RDH12: variants seen among roughly 807,000 people sequenced by gnomAD.
RDH12 encodes retinol dehydrogenase 12.
Under a neutral mutation model 34.0 loss-of-function variants are expected in RDH12, and 21 were observed. That is an observed-to-expected ratio of 0.62 (90% CI 0.44 to 0.89). The LOEUF (loss-of-function observed/expected upper bound fraction) is 0.89. Ranked by LOEUF, RDH12 falls within the 40% of genes least tolerant of loss-of-function variation. RDH12 has a pLI of 0.00. For missense variants in RDH12, 394 were observed against 398.6 expected (o/e 0.99, Z 0.10); for synonymous variants, 198 against 169.9 (o/e 1.17, Z -1.29).
chr14:67,705,627 G>A (rs1006919581), intron 1 of RDH12, among the ~76,000 whole-genome samples: 2 of 152,204 alleles, frequency 1.3e-5, no homozygotes, highest in Admixed American at 1.3e-4. Context: ...AGTTTAGTTA[G>A]TGGTGTTGTA....
intron 1 of RDH12, among the ~76,000 whole-genome samples, chr14:67,713,534 G>A (rs1056232725): frequency 2.0e-5 from 3 of 152,062 alleles, no homozygotes; most frequent in East Asian, 1.9e-4. Flanking sequence ...GTTGGTTTGA[G>A]CCATAAAGTT....
intron 1 of RDH12, among the ~76,000 whole-genome samples, chr14:67,716,470 G>A (rs2038070759): frequency 6.6e-6 from 1 of 152,208 alleles, no homozygotes; most frequent in Admixed American, 6.5e-5. Flanking sequence ...ATTTTGAAAT[G>A]TTACGCTTCT....
At chr14:67,717,155 G>A (rs1411210716) in intron 1 of RDH12, among the ~76,000 whole-genome samples, 2 of 152,000 alleles carry the variant, frequency 1.3e-5, no homozygotes, top group African/African-American at 4.8e-5. Flanking sequence ...TCCTTTGGAT[G>A]TAAAATTTGT....
At chr14:67,729,128 A>G in intron 7 of RDH12, 63 bp from the exon 8 acceptor site, 1 of 1,524,482 alleles carries the variant, frequency 6.6e-7, no homozygotes, top group East Asian at 2.2e-5. Flanking sequence ...TTGCTGCAGG[A>G]GATAAGCTGT....
At chr14:67,715,768 C>G in intron 1 of RDH12, among the ~76,000 whole-genome samples, 1 of 152,086 alleles carries the variant, frequency 6.6e-6, no homozygotes, top group Non-Finnish European at 1.5e-5. Context: ...ATCTCATAAC[C>G]AGGGAGAGAT....
At position 67,733,840 on chromosome 14, in the gene RDH12, TG is replaced by T; in HGVS notation, c.946del (p.Glu316SerfsTer59). 1.9e-6 allele frequency: 3 copies of T among 1,610,912 alleles called. No homozygotes were observed. Among genetic ancestry groups the T allele is most frequent in the Non-Finnish European group, 2.5e-6 (3 of 1,177,710 alleles). ...NVSCELLGIR[W>X]E ...CAGCTGTGAGCTTCTAGGAATCCGG[TG>T]GGAGTAGCTGGTGGAAGAGCTGCAG... On this transcript the variant is annotated frameshift_variant, in exon 9 of 9. Transcript: ENST00000551171. LOFTEE classifies it high-confidence loss of function.
At chr14:67,729,148 C>G in intron 7 of RDH12, 43 bp from the exon 8 acceptor site, 1 of 1,593,806 alleles carries the variant, frequency 6.3e-7, no homozygotes, top group Non-Finnish European at 8.6e-7. Context: ...TTTTCCTGGG[C>G]TCAGAGTGTG....
At chr14:67,732,494 AAGAG>A (rs1335135323) in intron 8 of RDH12, among the ~76,000 whole-genome samples, 2 of 150,566 alleles carry the variant, frequency 1.3e-5, no homozygotes, top group African/African-American at 2.4e-5. Context: ...GTAAGAGAGA[AAGAG>A]AGAGAGAGAC....
chr14:67,716,881 CAAAA>C (rs35419842), intron 1 of RDH12, among the ~76,000 whole-genome samples: 2 of 85,262 alleles, frequency 2.3e-5, no homozygotes, highest in Non-Finnish European at 2.5e-5. Context: ...GAGTCTCTGT[CAAAA>C]AAAAAAAAAA....
intron 1 of RDH12, among the ~76,000 whole-genome samples, chr14:67,720,162 A>G (rs1394771393): frequency 6.6e-6 from 1 of 152,188 alleles, no homozygotes; most frequent in Non-Finnish European, 1.5e-5. Context: ...TTTAATTTGC[A>G]TCTCTCATAT....
At chr14:67,726,013 C>T (rs2140143582) in intron 5 of RDH12, 38 bp from the exon 6 acceptor site, 3 of 1,455,260 alleles carry the variant, frequency 2.1e-6, no homozygotes, top group Non-Finnish European at 2.9e-6. Flanking sequence ...TAGGGGACTC[C>T]TTGCTAACCA....
chr14:67,707,793 C>T lies in RDH12; in HGVS notation c.-275+5858C>T, dbSNP rs908668868. ...CCTATGAATTGAGTTAACCTCTCCT[C>T]TTGAGGTTCCAAGGTAAACTTGGGG... is the stretch of plus-strand genomic sequence containing the variant. On this transcript the variant is annotated intron_variant, in intron 1 of 8. Transcript: ENST00000551171. Among the ~76,000 whole-genome samples, 23 of 152,194 alleles carry T rather than the reference C, an allele frequency of 1.5e-4. 1 individual carries two copies. The highest frequency in any genetic ancestry group is 1.3e-3 in the Admixed American group (20 of 15,280).
Position 67,722,572 on chromosome 14 carries a change from G to GA in RDH12, c.-69dup. The GA allele has an allele frequency of 7.5e-7, 1 of 1,328,414 alleles. No individual in the cohort carries two copies. Among genetic ancestry groups the GA allele is most frequent in the Non-Finnish European group, 1.1e-6 (1 of 919,456 alleles). 82.3% of individuals were successfully genotyped at this position (1,328,414 alleles called of 1,614,324 possible). A position where few individuals can be genotyped will look rare whatever the true frequency, so the allele number is the denominator to read the frequency against. On this transcript the variant is annotated 5_prime_UTR_variant, in exon 3 of 9. Transcript: ENST00000551171. ...CAGCCAAGAGCTGGAGCCAGACCAG[G>GA]AACCTGAGCCAGAGCTGGGGTTGAA...
At chr14:67,726,487 A>T (rs994980761) in intron 6 of RDH12, among the ~76,000 whole-genome samples, 1 of 152,220 alleles carries the variant, frequency 6.6e-6, no homozygotes, top group Admixed American at 6.5e-5. Flanking sequence ...GAGGGGTCAC[A>T]TCTACATGAT....
intron 1 of RDH12, among the ~76,000 whole-genome samples, chr14:67,704,647 G>C (rs969775736): frequency 6.6e-6 from 1 of 152,164 alleles, no homozygotes; most frequent in Non-Finnish European, 1.5e-5. Flanking sequence ...ATGGAGTAGA[G>C]TAAGAGTGCC....
intron 1 of RDH12, among the ~76,000 whole-genome samples, chr14:67,718,431 A>G (rs552128252): frequency 6.6e-6 from 1 of 152,368 alleles, no homozygotes; most frequent in African/African-American, 2.4e-5. Flanking sequence ...ATGAGCTGCT[A>G]GATGATTTAT....
intron 1 of RDH12, among the ~76,000 whole-genome samples, chr14:67,717,350 T>G (rs1035965276): frequency 6.6e-6 from 1 of 152,140 alleles, no homozygotes; most frequent in African/African-American, 2.4e-5. Flanking sequence ...ATGGAGTGAT[T>G]AGAGGTAAAC....
chr14:67,733,182 C>T (rs566255906), intron 8 of RDH12, among the ~76,000 whole-genome samples: 2 of 152,180 alleles, frequency 1.3e-5, no homozygotes, highest in East Asian at 1.9e-4. Context: ...GCTCCCACCC[C>T]CTATCCCTCT....
intron 3 of RDH12, 29 bp from the exon 4 acceptor site, chr14:67,724,444 C>G: frequency 1.5e-6 from 2 of 1,322,660 alleles, no homozygotes; most frequent in Non-Finnish European, 2.1e-6. Flanking sequence ...AAGGATGGTA[C>G]GTGATGCTCT....
Sources: gnomAD v4.1 joint callset for allele counts (sites outside exome capture counted in the v4.1 genomes callset) on GRCh38, gnomAD v4.1.1 for gene constraint, MANE v1.5 for transcripts, NCBI Gene and HGNC (gene_info 2026-07-23, HGNC 2026-07-21) for gene names.